ERBB4: variants seen among roughly 807,000 people sequenced by gnomAD.
ERBB4 encodes the protein erb-b2 receptor tyrosine kinase 4, also known as receptor tyrosine-protein kinase erbB-4.
Under a neutral mutation model 158.0 loss-of-function variants are expected in ERBB4, and 42 were observed. The ratio of observed to expected loss-of-function variants is 0.27; its 90% CI spans 0.21 to 0.34. ERBB4 has a LOEUF of 0.34. Ranked by LOEUF, ERBB4 falls within the 10% of genes least tolerant of loss-of-function variation. ERBB4 has a pLI of 1.00. For missense variants in ERBB4, 1,333 were observed against 1,624.1 expected, an observed-to-expected ratio of 0.82 and a Z score of 3.08; for synonymous variants, 583 against 558.7, an observed-to-expected ratio of 1.04 and a Z score of -0.61.
intron 3 of ERBB4, among the ~76,000 whole-genome samples, chr2:211,828,851 G>C (rs922455020): frequency 1.3e-5 from 2 of 152,002 alleles, no homozygotes; most frequent in Non-Finnish European, 2.9e-5. Context: ...GCATGCTCCA[G>C]CATCACATGC....
At chr2:211,833,168 A>T (rs1229107846) in intron 3 of ERBB4, among the ~76,000 whole-genome samples, 4 of 152,144 alleles carry the variant, frequency 2.6e-5, no homozygotes, top group Non-Finnish European at 5.9e-5. Context: ...ATCTATCAGG[A>T]TGACCTTGGG....
chr2:212,399,198 C>T (rs949548508), intron 1 of ERBB4, among the ~76,000 whole-genome samples: 14 of 151,962 alleles, frequency 9.2e-5, no homozygotes, highest in Non-Finnish European at 1.5e-4. Flanking sequence ...CCACCTTGGC[C>T]TCAGAAAGTG....
At chr2:211,405,654 T>G (rs2063131421) in intron 25 of ERBB4, among the ~76,000 whole-genome samples, 1 of 152,178 alleles carries the variant, frequency 6.6e-6, no homozygotes, top group Admixed American at 6.5e-5. Flanking sequence ...AAATTCACAT[T>G]TCCTGCCTTT....
intron 1 of ERBB4, among the ~76,000 whole-genome samples, chr2:212,449,559 C>A (rs561075928): frequency 2.8e-4 from 42 of 152,178 alleles, no homozygotes; most frequent in African/African-American, 1.0e-3. Flanking sequence ...ACAATTGCTA[C>A]CATATTTTTT....
intron 1 of ERBB4, among the ~76,000 whole-genome samples, chr2:212,363,875 T>C (rs756498051): frequency 2.6e-4 from 39 of 151,676 alleles, no homozygotes; most frequent in Non-Finnish European, 4.4e-4. Flanking sequence ...AATTCCACTA[T>C]AGATTTGAAC....
intron 1 of ERBB4, among the ~76,000 whole-genome samples, chr2:212,461,685 G>A (rs2106073407): frequency 6.6e-6 from 1 of 152,234 alleles, no homozygotes; most frequent in East Asian, 1.9e-4. Context: ...AAAATGTGAG[G>A]ATGTGAGATT....
At chr2:211,656,533 T>C (rs2071223760) in intron 16 of ERBB4, among the ~76,000 whole-genome samples, 1 of 152,254 alleles carries the variant, frequency 6.6e-6, no homozygotes, top group Non-Finnish European at 1.5e-5. Flanking sequence ...TACAGTTCTA[T>C]AATTTTTGAT....
At chr2:212,352,297 C>T (rs1213942533) in intron 1 of ERBB4, among the ~76,000 whole-genome samples, 1 of 146,364 alleles carries the variant, frequency 6.8e-6, no homozygotes, top group East Asian at 2.0e-4. Flanking sequence ...CAAACCTGCA[C>T]ATGCACCCCT....
intron 1 of ERBB4, among the ~76,000 whole-genome samples, chr2:212,269,340 T>C (rs2085261303): frequency 6.6e-6 from 1 of 151,802 alleles, no homozygotes; most frequent in South Asian, 2.1e-4. Flanking sequence ...ACATGCTTTG[T>C]GTTGAGTATG....
chr2:212,383,406 G>A (rs6753466), intron 1 of ERBB4, among the ~76,000 whole-genome samples: 89,677 of 151,122 alleles, frequency 0.59, 28,371 homozygotes, highest in African/African-American at 0.81. Context: ...CCACTTATCC[G>A]AAAGAAAGAA....
At chr2:212,475,972 G>A (rs1354020902) in intron 1 of ERBB4, among the ~76,000 whole-genome samples, 1 of 151,874 alleles carries the variant, frequency 6.6e-6, no homozygotes, top group African/African-American at 2.4e-5. Context: ...ACAGCAAGAG[G>A]GATCTTTTGA....
chr2:211,645,135 AACG>A (rs1423056950), intron 16 of ERBB4, among the ~76,000 whole-genome samples: 1 of 146,888 alleles, frequency 6.8e-6, no homozygotes, highest in Non-Finnish European at 1.5e-5. Context: ...GTCAAAAACA[AACG>A]ACTCTAGAGA....
intron 20 of ERBB4, among the ~76,000 whole-genome samples, chr2:211,465,210 G>GA (rs1403735471): frequency 2.0e-5 from 3 of 151,964 alleles, no homozygotes; most frequent in African/African-American, 7.3e-5. Context: ...ACCCACCAAG[G>GA]AAAAACCACG....
In ERBB4 at chr2:211,486,858, G is replaced by A. The variant is rs567957244; in HGVS notation, c.2488-55758C>T. On this transcript the variant is annotated intron_variant, in intron 20 of 27. Coordinates refer to ENST00000342788, the MANE Select transcript of ERBB4 (RefSeq NM_005235.3). ...AAAATTTGGATTAAAATATTTTCAG[G>A]AAAAAGTTAGTTTTGTTTTATTCAG... 2.2e-3 allele frequency among the ~76,000 whole-genome samples: 341 copies of A among 152,172 alleles called. 3 individuals are homozygous for A. Among genetic ancestry groups the A allele is most frequent in the Middle Eastern group, 0.014 (4 of 292 alleles).
chr2:211,871,956 A>G (rs570134419), intron 3 of ERBB4, among the ~76,000 whole-genome samples: 31 of 152,162 alleles, frequency 2.0e-4, no homozygotes, highest in Non-Finnish European at 4.3e-4. Context: ...AGTTACTAAG[A>G]GATGCAGAGG....
At chr2:211,814,914 C>T (rs572190644) in intron 3 of ERBB4, among the ~76,000 whole-genome samples, 1 of 152,242 alleles carries the variant, frequency 6.6e-6, no homozygotes, top group Admixed American at 6.5e-5. Context: ...CACATTTATA[C>T]ACATGAATAC....
At position 211,672,158 on chromosome 2, in the gene ERBB4, T is replaced by C. The variant is rs116046322; in HGVS notation, c.1716+1006A>G. ...GAGGGCTCAATGATATATATATTTT[T>C]TCTAAGCTAATTAAGTGCTGAATAA... On this transcript the variant is annotated intron_variant, in intron 14 of 27. Coordinates refer to ENST00000342788, the MANE Select transcript of ERBB4 (RefSeq NM_005235.3). Among the ~76,000 whole-genome samples, 645 of 152,220 alleles carry C rather than the reference T, an allele frequency of 4.2e-3. 5 individuals are homozygous for C. Among genetic ancestry groups the C allele is most frequent in the African/African-American group, 0.015 (610 of 41,544 alleles).
At chr2:211,913,856 T>C (rs1447077056) in intron 3 of ERBB4, among the ~76,000 whole-genome samples, 1 of 151,518 alleles carries the variant, frequency 6.6e-6, no homozygotes, top group Non-Finnish European at 1.5e-5. Flanking sequence ...ATTAAACATA[T>C]AAAATTAGAA....
intron 16 of ERBB4, among the ~76,000 whole-genome samples, chr2:211,638,791 T>C (rs913170053): frequency 4.6e-5 from 7 of 152,214 alleles, no homozygotes; most frequent in African/African-American, 1.2e-4. Flanking sequence ...CTTTTATATC[T>C]AGATCAGCTT....
Sources: allele counts gnomAD v4.1 joint callset (sites outside exome capture counted in the v4.1 genomes callset), GRCh38; gene constraint gnomAD v4.1.1; transcripts MANE v1.5; gene names NCBI Gene and HGNC (gene_info 2026-07-23, HGNC 2026-07-21).